ZNF385D: variants seen among roughly 807,000 people sequenced by gnomAD.
The protein encoded by ZNF385D is zinc finger protein 659.
A neutral mutation model predicts 35.8 loss-of-function variants in ZNF385D; 15 were observed. The ratio of observed to expected loss-of-function variants is 0.42; its 90% confidence interval spans 0.28 to 0.64. The LOEUF is 0.64. Ranked by LOEUF, ZNF385D falls within the 30% of genes least tolerant of loss-of-function variation. The pLI is 0.23. For synonymous variants in ZNF385D, 212 were observed against 186.8 expected, an observed-to-expected ratio of 1.13 and a Z score of -1.10; for missense variants, 474 against 494.6, an observed-to-expected ratio of 0.96 and a Z score of 0.39.
intron 2 of ZNF385D, among the ~76,000 whole-genome samples, chr3:22,185,210 A>C (rs977995992): frequency 3.3e-5 from 5 of 152,188 alleles, no homozygotes; most frequent in African/African-American, 1.2e-4. Context: ...ATAAATGTAT[A>C]GATCAATAAT....
chr3:22,101,566 A>T (rs1701946786), intron 3 of ZNF385D, among the ~76,000 whole-genome samples: 1 of 152,048 alleles, frequency 6.6e-6, no homozygotes, highest in Admixed American at 6.6e-5. Context: ...ATTTCTCTAT[A>T]AGTTCTATTT....
At chr3:21,666,557 TAAC>T (rs2066413458) in intron 1 of ZNF385D, among the ~76,000 whole-genome samples, 2 of 152,136 alleles carry the variant, frequency 1.3e-5, no homozygotes, top group African/African-American at 4.8e-5. Context: ...CAAGTAGAGA[TAAC>T]AACGAAATAT....
At chr3:21,867,616 A>T (rs1324365848) in intron 3 of ZNF385D, among the ~76,000 whole-genome samples, 1 of 152,130 alleles carries the variant, frequency 6.6e-6, no homozygotes, top group African/African-American at 2.4e-5. Context: ...TTAACTGTTT[A>T]TAAATGTTGC....
At chr3:22,280,441 T>C (rs1701678726) in intron 2 of ZNF385D, among the ~76,000 whole-genome samples, 1 of 152,052 alleles carries the variant, frequency 6.6e-6, no homozygotes, top group Non-Finnish European at 1.5e-5. Context: ...AAGCTGACTT[T>C]TGTAAAAGGT....
In ZNF385D at chr3:21,511,711, G is replaced by T. The variant is rs1244707036; in HGVS notation, c.277-688C>A. ...GTCCATTGTTGGGAGGCTCCAGTGT[G>T]TTTGTACTACCTAATGGGGCCAATC... On this transcript the variant is annotated intron_variant, in intron 3 of 7. Coordinates refer to ENST00000281523, the MANE Select transcript of ZNF385D (RefSeq NM_024697.3). The T allele has an allele frequency of 6.6e-6, 3 of 456,542 alleles. No homozygotes were observed. The East Asian group carries it at 2.1e-4, about 32-fold the overall frequency. The allele number at this position is 456,542 out of a possible 1,614,324, so 28.3% of individuals were successfully genotyped here. A position where few individuals can be genotyped will look rare whatever the true frequency, so the allele number is the denominator to read the frequency against.
chr3:21,811,556 G>A (rs934036208), intron 3 of ZNF385D, among the ~76,000 whole-genome samples: 25 of 152,114 alleles, frequency 1.6e-4, no homozygotes, highest in Admixed American at 1.4e-3. Flanking sequence ...ACAAAATGGA[G>A]CTCAGATGTA....
intron 2 of ZNF385D, among the ~76,000 whole-genome samples, chr3:21,638,436 G>T (rs936875535): frequency 2.6e-5 from 4 of 152,034 alleles, no homozygotes; most frequent in African/African-American, 9.7e-5. Flanking sequence ...GTATTTCTAA[G>T]TGCAGAGGTC....
intron 3 of ZNF385D, among the ~76,000 whole-genome samples, chr3:22,065,727 C>A (rs1482338752): frequency 2.0e-5 from 3 of 152,074 alleles, no homozygotes; most frequent in African/African-American, 7.2e-5. Context: ...AAGAACATAA[C>A]ACACACTGCA....
intron 1 of ZNF385D, among the ~76,000 whole-genome samples, chr3:21,721,334 T>C (rs1228569839): frequency 1.3e-5 from 2 of 151,454 alleles, no homozygotes; most frequent in African/African-American, 2.4e-5. Flanking sequence ...TCATTTGATA[T>C]GAAGAAAGGG....
intron 2 of ZNF385D, among the ~76,000 whole-genome samples, chr3:22,350,829 C>T (rs2125496442): frequency 6.6e-6 from 1 of 152,204 alleles, no homozygotes; most frequent in South Asian, 2.1e-4. Context: ...TTTAAAGATA[C>T]TGTTAATAAG....
chr3:22,120,529 C>CA (rs1559383837), intron 3 of ZNF385D, among the ~76,000 whole-genome samples: 1 of 152,096 alleles, frequency 6.6e-6, no homozygotes, highest in Non-Finnish European at 1.5e-5. Context: ...AGACACAATT[C>CA]AACTCTTAAT....
At chr3:22,079,875 T>A (rs943836725) in intron 3 of ZNF385D, among the ~76,000 whole-genome samples, 12 of 151,932 alleles carry the variant, frequency 7.9e-5, no homozygotes, top group Admixed American at 3.3e-4. Context: ...TTAATTTAGG[T>A]CCTTAGAGAT....
chr3:21,481,036 T>C (rs1704593947), intron 4 of ZNF385D, among the ~76,000 whole-genome samples: 2 of 152,174 alleles, frequency 1.3e-5, no homozygotes, highest in African/African-American at 4.8e-5. Context: ...GCTTACTCCA[T>C]CCTAGGCAGA....
At chr3:22,105,195 A>G (rs1222455567) in intron 3 of ZNF385D, among the ~76,000 whole-genome samples, 1 of 152,124 alleles carries the variant, frequency 6.6e-6, no homozygotes, top group Admixed American at 6.6e-5. Context: ...TCTGTATATC[A>G]GAACCATAAA....
intron 1 of ZNF385D, among the ~76,000 whole-genome samples, chr3:21,735,671 G>C (rs2069208470): frequency 6.6e-6 from 1 of 152,166 alleles, no homozygotes; most frequent in South Asian, 2.1e-4. Flanking sequence ...ATTAAGTGCA[G>C]TGATTGACCG....
intron 2 of ZNF385D, among the ~76,000 whole-genome samples, chr3:21,598,573 CCAA>C (rs2064190454): frequency 6.6e-6 from 1 of 151,962 alleles, no homozygotes; most frequent in South Asian, 2.1e-4. Flanking sequence ...AGCTTTCTGC[CCAA>C]CAGACAAAAG....
intron 4 of ZNF385D, among the ~76,000 whole-genome samples, chr3:21,496,041 T>C (rs1041664881): frequency 2.0e-5 from 3 of 151,742 alleles, no homozygotes; most frequent in African/African-American, 7.3e-5. Flanking sequence ...AGTTCCAAAA[T>C]TGAATCAGTG....
chr3:22,027,097 G>T (rs1447529654), intron 3 of ZNF385D, among the ~76,000 whole-genome samples: 1 of 152,182 alleles, frequency 6.6e-6, no homozygotes, highest in African/African-American at 2.4e-5. Flanking sequence ...GGCAAGTGCA[G>T]CAATATACCT....
chr3:21,996,288 G>C lies in ZNF385D; in HGVS notation c.325+172529C>G, dbSNP rs138475210. On this transcript the variant is annotated intron_variant, in intron 3 of 5. Transcript: ENST00000494108. ...GGCAGGAGTCAATGGTGGGAATGTG[G>C]ACTGCTGGGTATACTTCATTTACCT... Among the ~76,000 whole-genome samples the C allele has an allele frequency of 1.2e-4, 19 of 152,272 alleles. No homozygotes were observed. The South Asian group carries it at 3.7e-3, about 30-fold the overall frequency.
Sources: allele counts gnomAD v4.1 joint callset (sites outside exome capture counted in the v4.1 genomes callset), GRCh38; gene constraint gnomAD v4.1.1; transcripts MANE v1.5; gene names NCBI Gene and HGNC (gene_info 2026-07-23, HGNC 2026-07-21).